The following CSMD1 variants were observed in gnomAD, a reference collection of about 807,000 sequenced individuals.
CSMD1 encodes CUB and sushi domain-containing protein 1.
CSMD1 carries 213 observed loss-of-function variants against 417.5 expected under a neutral mutation model. The observed-to-expected ratio is 0.51, with a 90% confidence interval of 0.46 to 0.57. CSMD1 has a LOEUF of 0.57. Ranked by LOEUF, CSMD1 falls within the 20% of genes least tolerant of loss-of-function variation. The pLI, the probability that CSMD1 is intolerant of heterozygous loss-of-function variation, is 0.00. For synonymous variants in CSMD1, 2,862 were observed against 1,736.8 expected (o/e 1.65, Z -16.11); for missense variants, 6,923 against 4,529.7 (o/e 1.53, Z -15.17).
intron 3 of CSMD1, among the ~76,000 whole-genome samples, chr8:4,154,576 G>A (rs1196573089): frequency 6.6e-6 from 1 of 152,214 alleles, no homozygotes; most frequent in Admixed American, 6.5e-5. Flanking sequence ...GCTGGGCCAA[G>A]AGGTGAGGTC....
chr8:4,352,934 A>G (rs909923710), intron 3 of CSMD1, among the ~76,000 whole-genome samples: 1 of 152,236 alleles, frequency 6.6e-6, no homozygotes, highest in Non-Finnish European at 1.5e-5. Flanking sequence ...TTTATAAGTA[A>G]ATACGAGCTT....
chr8:4,560,398 CT>C (rs1798276435), intron 2 of CSMD1, among the ~76,000 whole-genome samples: 1 of 152,152 alleles, frequency 6.6e-6, no homozygotes, highest in African/African-American at 2.4e-5. Context: ...TAGTCCTTGC[CT>C]TTTCCTACAC....
chr8:4,451,611 T>C (rs1472762219), intron 2 of CSMD1, among the ~76,000 whole-genome samples: 7 of 152,190 alleles, frequency 4.6e-5, no homozygotes, highest in Admixed American at 6.5e-5. Flanking sequence ...TTAGAGGTTA[T>C]ATTCAAGAAG....
At chr8:3,773,820 G>C (rs1266824021) in intron 5 of CSMD1, among the ~76,000 whole-genome samples, 1 of 152,064 alleles carries the variant, frequency 6.6e-6, no homozygotes, top group Non-Finnish European at 1.5e-5. Context: ...GCTTCAACAA[G>C]TCGTTTTCAC....
At chr8:3,541,778 C>T (rs1798450360) in intron 10 of CSMD1, among the ~76,000 whole-genome samples, 3 of 150,576 alleles carry the variant, frequency 2.0e-5, no homozygotes, top group Admixed American at 2.0e-4. Flanking sequence ...TCAACTACAG[C>T]TGTTCTTTTT....
At chr8:4,013,994 G>A (rs1009411338) in intron 4 of CSMD1, among the ~76,000 whole-genome samples, 2 of 152,122 alleles carry the variant, frequency 1.3e-5, no homozygotes, top group Admixed American at 1.3e-4. Context: ...TTGGAAGAAA[G>A]AATTAACACA....
At chr8:3,984,685 C>A (rs560645976) in intron 5 of CSMD1, among the ~76,000 whole-genome samples, 1 of 127,638 alleles carries the variant, frequency 7.8e-6, no homozygotes, top group Non-Finnish European at 1.6e-5. Flanking sequence ...TTTATGGGTT[C>A]AGGATTCAGT....
At chr8:3,011,155 A>T (rs1390081726) in intron 52 of CSMD1, among the ~76,000 whole-genome samples, 2 of 152,208 alleles carry the variant, frequency 1.3e-5, no homozygotes, top group Non-Finnish European at 2.9e-5. Context: ...GAACAAGAAA[A>T]ATATCATTAA....
intron 1 of CSMD1, among the ~76,000 whole-genome samples, chr8:4,987,422 G>C (rs1811236037): frequency 6.6e-6 from 1 of 152,184 alleles, no homozygotes; most frequent in Non-Finnish European, 1.5e-5. Context: ...GCCTTGCAAA[G>C]TTGCTTTAAT....
At chr8:4,370,450 G>C (rs140928947) in intron 3 of CSMD1, among the ~76,000 whole-genome samples, 1 of 152,226 alleles carries the variant, frequency 6.6e-6, no homozygotes, top group Non-Finnish European at 1.5e-5. Flanking sequence ...ATCTCATGGA[G>C]ATTCTCTGAA....
At chr8:3,287,679 C>T (rs944510810) in intron 25 of CSMD1, among the ~76,000 whole-genome samples, 3 of 151,998 alleles carry the variant, frequency 2.0e-5, no homozygotes, top group East Asian at 1.9e-4. Flanking sequence ...CTGAAGTTGC[C>T]CATCAGCTTA....
At position 3,795,869 on chromosome 8, in the gene CSMD1, TATAG is replaced by T. The variant is rs1184512909; in HGVS notation, c.819-41831_819-41828del. ...TAGATATATATCTATCATGTACAGA[TATAG>T]ATATATATCTATCATGTACAGATAT... On this transcript the variant is annotated intron_variant, in intron 5 of 69. Coordinates refer to ENST00000635120, the MANE Select transcript of CSMD1 (RefSeq NM_033225.6). Among the ~76,000 whole-genome samples the T allele has an allele frequency of 4.3e-5, 3 of 69,120 alleles. 1 individual carries two copies. The highest frequency in any genetic ancestry group is 1.5e-4 in the African/African-American group (3 of 19,986). The allele number at this position is 69,120 out of a possible 152,430, so 45.3% of individuals were successfully genotyped here.
At chr8:3,073,745 G>A (rs1241456913) in intron 49 of CSMD1, among the ~76,000 whole-genome samples, 2 of 150,958 alleles carry the variant, frequency 1.3e-5, no homozygotes, top group African/African-American at 4.9e-5. Flanking sequence ...AAAGAAAAAT[G>A]AGAACATGAA....
intron 5 of CSMD1, among the ~76,000 whole-genome samples, chr8:3,841,100 G>A (rs1184430854): frequency 6.6e-6 from 1 of 152,002 alleles, no homozygotes; most frequent in Non-Finnish European, 1.5e-5. Flanking sequence ...GTATTAAATA[G>A]AACTTTTCCA....
chr8:4,884,087 T>C (rs191553449), intron 1 of CSMD1, among the ~76,000 whole-genome samples: 2 of 152,174 alleles, frequency 1.3e-5, no homozygotes, highest in Admixed American at 1.3e-4. Flanking sequence ...TGGCAAATGA[T>C]ATTGAACAAA....
chr8:3,729,533 C>A (rs560173428), intron 6 of CSMD1, among the ~76,000 whole-genome samples: 1 of 152,144 alleles, frequency 6.6e-6, no homozygotes, highest in African/African-American at 2.4e-5. Context: ...CAAGAGGAAT[C>A]GAAGTGGGCC....
intron 26 of CSMD1, among the ~76,000 whole-genome samples, chr8:3,259,973 C>G (rs1800934149): frequency 6.6e-6 from 1 of 152,180 alleles, no homozygotes; most frequent in African/African-American, 2.4e-5. Flanking sequence ...GAGGACCTGC[C>G]TTGGAGACCA....
At chr8:3,573,639 T>C (rs1262402655) in intron 10 of CSMD1, among the ~76,000 whole-genome samples, 6 of 152,170 alleles carry the variant, frequency 3.9e-5, no homozygotes, top group African/African-American at 1.2e-4. Context: ...TTACGGAATC[T>C]AAAATCAGAA....
chr8:4,568,221 G>T (rs1427189477), intron 2 of CSMD1, among the ~76,000 whole-genome samples: 1 of 152,044 alleles, frequency 6.6e-6, no homozygotes, highest in East Asian at 1.9e-4. Context: ...CATGTTTACT[G>T]CACCCAACAA....
Sources: gnomAD v4.1 joint callset for allele counts (sites outside exome capture counted in the v4.1 genomes callset) on GRCh38, gnomAD v4.1.1 for gene constraint, MANE v1.5 for transcripts, NCBI Gene and HGNC (gene_info 2026-07-23, HGNC 2026-07-21) for gene names.